Variants in SSBP3 observed in about 807,000 individuals in gnomAD.
SSBP3 encodes the protein single-stranded DNA-binding protein 3.
In SSBP3, 5 loss-of-function variants were observed where a neutral mutation model predicts 69.6. The observed-to-expected ratio is 0.07, with a 90% CI of 0.04 to 0.15. The LOEUF (loss-of-function observed/expected upper bound fraction) is 0.15, where lower values mean the gene tolerates loss of function less well. Among genes scored for constraint, SSBP3 ranks in the 10% least tolerant of loss-of-function variants. The pLI, the probability that SSBP3 is intolerant of heterozygous loss-of-function variation, is 1.00. For synonymous variants in SSBP3, 196 were observed against 193.4 expected (o/e 1.01, Z -0.11); for missense variants, 312 against 534.0 (o/e 0.58, Z 4.10).
chr1:54,280,196 C>T (rs1645365495), intron 5 of SSBP3, among the ~76,000 whole-genome samples: 2 of 152,350 alleles, frequency 1.3e-5, no homozygotes, highest in South Asian at 4.1e-4. Context: ...TCCCAGCCCT[C>T]TTCTCTCAGG....
chr1:54,289,304 T>C (rs1645562477), intron 4 of SSBP3, among the ~76,000 whole-genome samples: 1 of 150,720 alleles, frequency 6.6e-6, no homozygotes, highest in African/African-American at 2.4e-5. Flanking sequence ...TGCACACACA[T>C]GTGTGTCAAG....
chr1:54,366,015 G>A (rs1289429836), intron 4 of SSBP3, among the ~76,000 whole-genome samples: 2 of 152,122 alleles, frequency 1.3e-5, no homozygotes, highest in African/African-American at 4.8e-5. Context: ...AGTTTACACA[G>A]ACCACTCAGA....
intron 4 of SSBP3, among the ~76,000 whole-genome samples, chr1:54,316,980 T>G (rs928455280): frequency 5.9e-5 from 9 of 152,132 alleles, no homozygotes; most frequent in Admixed American, 6.5e-5. Flanking sequence ...GGAGCCCTCA[T>G]GACCTAATCA....
At chr1:54,350,385 G>A (rs565800306) in intron 4 of SSBP3, among the ~76,000 whole-genome samples, 16 of 152,348 alleles carry the variant, frequency 1.1e-4, no homozygotes, top group Admixed American at 8.5e-4. Flanking sequence ...TTTCTCATCC[G>A]TGGAAGAGGT....
At chr1:54,243,336 G>A in intron 9 of SSBP3, 37 bp from the exon 10 acceptor site, 1 of 1,613,220 alleles carries the variant, frequency 6.2e-7, no homozygotes, top group Non-Finnish European at 8.5e-7. Flanking sequence ...ATGAGAAGAA[G>A]GGAACCGGAG....
At chr1:54,357,186 G>A (rs1005159372) in intron 4 of SSBP3, among the ~76,000 whole-genome samples, 8 of 152,296 alleles carry the variant, frequency 5.3e-5, no homozygotes, top group African/African-American at 1.9e-4. Context: ...AAAGGAAAAA[G>A]GCAGTGCGAG....
chr1:54,343,572 T>G (rs1207986119), intron 4 of SSBP3, among the ~76,000 whole-genome samples: 1 of 152,200 alleles, frequency 6.6e-6, no homozygotes, highest in African/African-American at 2.4e-5. Flanking sequence ...AGGGATGGGC[T>G]TCAGAGGGTT....
At chr1:54,285,755 AACCCC>A (rs1645477103) in intron 4 of SSBP3, among the ~76,000 whole-genome samples, 2 of 152,106 alleles carry the variant, frequency 1.3e-5, no homozygotes, top group Admixed American at 1.3e-4. Flanking sequence ...AACCCCTGAA[AACCCC>A]CATTATTCAC....
At chr1:54,320,372 C>A (rs191261322) in intron 4 of SSBP3, among the ~76,000 whole-genome samples, 7 of 152,278 alleles carry the variant, frequency 4.6e-5, no homozygotes, top group Admixed American at 4.6e-4. Flanking sequence ...GTCTGGAGTG[C>A]AATGACGCGA....
chr1:54,227,270 T>A (rs914518802), intron 17 of SSBP3, 110 bp from the exon 18 acceptor site: 11 of 734,998 alleles, frequency 1.5e-5, no homozygotes, highest in Non-Finnish European at 2.2e-5. Context: ...CAGGGCTCAT[T>A]TGGGGATGTG....
chr1:54,281,736 G>A (rs1645395918), intron 4 of SSBP3, among the ~76,000 whole-genome samples: 2 of 152,076 alleles, frequency 1.3e-5, no homozygotes. Flanking sequence ...ACTCAGACCT[G>A]GACTCAATTC....
At position 54,228,368 on chromosome 1, in the gene SSBP3, G is replaced by A. The variant is rs377137280; in HGVS notation, c.1036-12C>T. On this transcript the variant is annotated splice_polypyrimidine_tract_variant and intron_variant, in intron 16 of 17. Transcript: ENST00000610401. Reference sequence around the variant, plus strand: ...TTGTTAGGAGAATTCTGTGGAAAGAGGAGAGGAGGTGAGCACCTGTGTCCC... The same window carrying A: ...TTGTTAGGAGAATTCTGTGGAAAGAAGAGAGGAGGTGAGCACCTGTGTCCC... 7.1e-5 allele frequency: 114 copies of A among 1,614,070 alleles called. No individual in the cohort carries two copies. The highest frequency in any genetic ancestry group is 9.2e-5 in the Non-Finnish European group (109 of 1,180,034).
chr1:54,404,812 G>GGC, intron 2 of SSBP3, 46 bp downstream of exon 2: 1 of 1,018,038 alleles, frequency 9.8e-7, no homozygotes, highest in Non-Finnish European at 1.5e-6. Context: ...GAATAGTGGG[G>GGC]GGGGGGGGTG....
At chr1:54,362,559 G>A (rs1043179953) in intron 4 of SSBP3, among the ~76,000 whole-genome samples, 7 of 152,188 alleles carry the variant, frequency 4.6e-5, no homozygotes, top group Non-Finnish European at 7.3e-5. Flanking sequence ...GCCTCTACCC[G>A]ACCTGGGCTC....
chr1:54,406,646 G>A (rs1166054620), upstream of SSBP3, among the ~76,000 whole-genome samples: 1 of 151,922 alleles, frequency 6.6e-6, no homozygotes, highest in Non-Finnish European at 1.5e-5. Flanking sequence ...GGGGCGGTGG[G>A]CGACGTGGAT....
At chr1:54,334,570 T>C (rs531514584) in intron 4 of SSBP3, among the ~76,000 whole-genome samples, 60 of 152,252 alleles carry the variant, frequency 3.9e-4, no homozygotes, top group Middle Eastern at 6.8e-3. Context: ...CAGTTTAACA[T>C]TGGTCAAGTA....
At chr1:54,299,260 C>T (rs17110316) in intron 4 of SSBP3, among the ~76,000 whole-genome samples, 6,423 of 152,200 alleles carry the variant, frequency 0.042, 462 homozygotes, top group African/African-American at 0.15. Context: ...TGGTATTTTC[C>T]GCTCCACTTG....
chr1:54,248,045 C>CA (rs1286567893), intron 9 of SSBP3, among the ~76,000 whole-genome samples: 2 of 152,314 alleles, frequency 1.3e-5, no homozygotes, highest in Admixed American at 1.3e-4. Flanking sequence ...GACACAGACT[C>CA]ACAAAATGCA....
At chr1:54,243,746 C>T (rs1022622521) in intron 9 of SSBP3, among the ~76,000 whole-genome samples, 1 of 152,158 alleles carries the variant, frequency 6.6e-6, no homozygotes, top group Non-Finnish European at 1.5e-5. Context: ...CCTGAGAAGC[C>T]TGCCCGAGGC....
Sources: allele counts gnomAD v4.1 joint callset (sites outside exome capture counted in the v4.1 genomes callset), GRCh38; gene constraint gnomAD v4.1.1; transcripts MANE v1.5; gene names NCBI Gene and HGNC (gene_info 2026-07-23, HGNC 2026-07-21).